Variants in PLPPR1 observed in about 807,000 individuals in gnomAD.
The protein encoded by PLPPR1 is phospholipid phosphatase related 1.
Under a neutral mutation model 33.1 loss-of-function variants are expected in PLPPR1, and 10 were observed. The ratio of observed to expected loss-of-function variants is 0.30; its 90% confidence interval spans 0.19 to 0.51. PLPPR1 has a LOEUF of 0.51. PLPPR1 is among the 20% of genes least tolerant of loss of function. The probability of loss-of-function intolerance (pLI) is 0.97; values close to 1 mark genes in which losing one functional copy is unlikely to be tolerated. For missense variants in PLPPR1, 304 were observed against 408.1 expected (o/e 0.74, Z 2.20); for synonymous variants, 151 against 151.0 (o/e 1.00, Z 0.00).
chr9:101,194,710 G>A (rs1302912869), intron 2 of PLPPR1, among the ~76,000 whole-genome samples: 1 of 147,376 alleles, frequency 6.8e-6, no homozygotes, highest in Non-Finnish European at 1.5e-5. Flanking sequence ...GAGATAGAGC[G>A]CCGTTGCACT....
chr9:101,124,331 G>C (rs1407386039), intron 1 of PLPPR1, among the ~76,000 whole-genome samples: 1 of 152,112 alleles, frequency 6.6e-6, no homozygotes, highest in African/African-American at 2.4e-5. Flanking sequence ...TGATACTCCT[G>C]CCTAACTGTT....
intron 1 of PLPPR1, among the ~76,000 whole-genome samples, chr9:101,173,355 A>G (rs184092458): frequency 1.6e-4 from 24 of 152,126 alleles, no homozygotes; most frequent in Admixed American, 4.6e-4. Flanking sequence ...CATATTTTTC[A>G]TTTGGTTTTG....
At chr9:101,052,645 C>T (rs750818419) in intron 1 of PLPPR1, among the ~76,000 whole-genome samples, 1 of 152,252 alleles carries the variant, frequency 6.6e-6, no homozygotes, top group Non-Finnish European at 1.5e-5. Context: ...GAAGATTTCC[C>T]AGCAGTAATA....
chr9:101,201,279 C>T (rs1826487931), intron 2 of PLPPR1, among the ~76,000 whole-genome samples: 1 of 152,206 alleles, frequency 6.6e-6, no homozygotes, highest in African/African-American at 2.4e-5. Flanking sequence ...CATTAAGTTT[C>T]AACACCTGAA....
At chr9:101,112,986 T>C (rs1831074814) in intron 1 of PLPPR1, among the ~76,000 whole-genome samples, 1 of 152,212 alleles carries the variant, frequency 6.6e-6, no homozygotes, top group Non-Finnish European at 1.5e-5. Flanking sequence ...GGATTCTTTC[T>C]TCTAGTTTTT....
intron 1 of PLPPR1, among the ~76,000 whole-genome samples, chr9:101,069,013 G>C (rs367819921): frequency 1.3e-5 from 2 of 152,028 alleles, no homozygotes; most frequent in East Asian, 3.9e-4. Context: ...AGAGGAAATT[G>C]ACTACTGGAA....
intron 4 of PLPPR1, among the ~76,000 whole-genome samples, chr9:101,301,658 T>C (rs55805275): frequency 0.074 from 11,329 of 152,288 alleles, 465 homozygotes; most frequent in South Asian, 0.14. Context: ...AAGGAACTGA[T>C]GTATTCAATT....
At chr9:101,271,751 G>A (rs1828106027) in intron 3 of PLPPR1, among the ~76,000 whole-genome samples, 1 of 152,140 alleles carries the variant, frequency 6.6e-6, no homozygotes, top group Non-Finnish European at 1.5e-5. Context: ...GCTTTCCTGT[G>A]TATTCAGACA....
chr9:101,241,320 G>T (rs1328261313), intron 2 of PLPPR1, among the ~76,000 whole-genome samples: 1 of 152,054 alleles, frequency 6.6e-6, no homozygotes, highest in Non-Finnish European at 1.5e-5. Context: ...GAAATGGCTA[G>T]ACCAGGGGTG....
At chr9:101,270,478 A>G (rs780165772) in intron 3 of PLPPR1, among the ~76,000 whole-genome samples, 2 of 152,202 alleles carry the variant, frequency 1.3e-5, no homozygotes, top group Non-Finnish European at 2.9e-5. Context: ...AGAATCCCTC[A>G]GGCCGATATT....
rs562777141 is a variant in PLPPR1 at position 101,093,881 on chromosome 9, T to C, written c.-46+64779T>C. On this transcript the variant is annotated intron_variant, in intron 1 of 7. Coordinates refer to ENST00000374874, the MANE Select transcript of PLPPR1 (RefSeq NM_207299.2). The stretch of plus-strand genomic sequence containing the variant: ...CATTGTTTCCAGCTCCAATGCAACA[T>C]TTGATTTGTAACTTGCAGTTTTTCT... Among the ~76,000 whole-genome samples the C allele has an allele frequency of 3.2e-4, 49 of 152,294 alleles. 1 individual carries two copies. The South Asian group carries it at 7.0e-3, about 22-fold the overall frequency.
chr9:101,254,212 C>T (rs1215547689), intron 2 of PLPPR1, among the ~76,000 whole-genome samples: 1 of 151,892 alleles, frequency 6.6e-6, no homozygotes, highest in Non-Finnish European at 1.5e-5. Context: ...ATACAACTCA[C>T]CATACGTAGA....
At chr9:101,150,243 G>C (rs1588048494) in intron 1 of PLPPR1, among the ~76,000 whole-genome samples, 2 of 151,880 alleles carry the variant, frequency 1.3e-5, no homozygotes, top group Middle Eastern at 6.8e-3. Context: ...AGATTTATTT[G>C]TAGAATCCTT....
intron 2 of PLPPR1, among the ~76,000 whole-genome samples, chr9:101,269,628 C>G (rs1828057210): frequency 6.6e-6 from 1 of 152,218 alleles, no homozygotes; most frequent in Admixed American, 6.5e-5. Flanking sequence ...CTGAAGCTCT[C>G]TACAAGCCTG....
chr9:101,207,035 C>T (rs1245591436), intron 2 of PLPPR1, among the ~76,000 whole-genome samples: 1 of 152,116 alleles, frequency 6.6e-6, no homozygotes. Flanking sequence ...AGATATTTTT[C>T]CTCTGTGATT....
chr9:101,077,456 G>T (rs893568547), intron 1 of PLPPR1, among the ~76,000 whole-genome samples: 1 of 152,080 alleles, frequency 6.6e-6, no homozygotes, highest in Non-Finnish European at 1.5e-5. Context: ...CCACATTAGT[G>T]GGTATGTTAT....
chr9:101,246,089 T>G lies in PLPPR1; in HGVS notation c.64-23791T>G, dbSNP rs75476938. On this transcript the variant is annotated intron_variant, in intron 2 of 7. Coordinates refer to ENST00000374874, the MANE Select transcript of PLPPR1 (RefSeq NM_207299.2). ...ATATATATATATATATATATATATA[T>G]ATATATATATATATATATATAGATA... Among the ~76,000 whole-genome samples the G allele has an allele frequency of 9.8e-4, 100 of 101,866 alleles. 2 individuals are homozygous for G. Among genetic ancestry groups the G allele is most frequent in the African/African-American group, 3.7e-3 (83 of 22,448 alleles). 66.8% of individuals were successfully genotyped at this position (101,866 alleles called of 152,430 possible).
intron 1 of PLPPR1, among the ~76,000 whole-genome samples, chr9:101,039,445 A>T (rs1012421534): frequency 3.3e-5 from 5 of 152,166 alleles, no homozygotes; most frequent in Admixed American, 3.3e-4. Flanking sequence ...TTTTTGATAT[A>T]CCCATGATAT....
At chr9:101,132,590 T>G (rs984413630) in intron 1 of PLPPR1, among the ~76,000 whole-genome samples, 4 of 152,180 alleles carry the variant, frequency 2.6e-5, no homozygotes, top group African/African-American at 9.7e-5. Flanking sequence ...TGGATACATG[T>G]TATTACCCAC....
Sources: allele counts gnomAD v4.1 joint callset (sites outside exome capture counted in the v4.1 genomes callset), GRCh38; gene constraint gnomAD v4.1.1; transcripts MANE v1.5; gene names NCBI Gene and HGNC (gene_info 2026-07-23, HGNC 2026-07-21).